OR10J1: variants seen among roughly 807,000 people sequenced by gnomAD.
OR10J1 encodes olfactory receptor 10J1.
For synonymous variants in OR10J1, 202 were observed against 143.8 expected, an observed-to-expected ratio of 1.40 and a Z score of -2.89; for missense variants, 474 against 376.6, an observed-to-expected ratio of 1.26 and a Z score of -2.14.
chr1:159,402,183 C>T, the OR10J1 span, among the ~76,000 whole-genome samples: 1 of 151,960 alleles, frequency 6.6e-6, no homozygotes, highest in South Asian at 2.1e-4. Flanking sequence ...AAAGCCTTTC[C>T]TGTAAGATCT....
At chr1:159,421,378 T>G in the OR10J1 span, among the ~76,000 whole-genome samples, 1 of 152,308 alleles carries the variant, frequency 6.6e-6, no homozygotes, top group South Asian at 2.1e-4. Context: ...TTTTAAATTC[T>G]TTTTTGGGGA....
upstream of OR10J1, among the ~76,000 whole-genome samples, chr1:159,439,352 G>A (rs1429071612): frequency 6.6e-6 from 1 of 152,188 alleles, no homozygotes; most frequent in Non-Finnish European, 1.5e-5. Context: ...GTGTTTGTAT[G>A]AGGTGAGGCA....
the OR10J1 span, among the ~76,000 whole-genome samples, chr1:159,401,349 G>A: frequency 5.9e-5 from 9 of 151,804 alleles, no homozygotes; most frequent in East Asian, 3.9e-4. Context: ...TTGACAAACC[G>A]TTAGCCAGAC....
the OR10J1 span, among the ~76,000 whole-genome samples, chr1:159,406,646 C>T: frequency 2.0e-5 from 3 of 152,192 alleles, no homozygotes; most frequent in East Asian, 1.9e-4. Context: ...AAAACAGCTA[C>T]CCTACTTGAC....
At chr1:159,432,249 G>T in the OR10J1 span, 1 of 400,870 alleles carries the variant, frequency 2.5e-6, no homozygotes, top group Non-Finnish European at 4.4e-6. Context: ...TACATTTGAG[G>T]GTTTCTCCAT....
chr1:159,410,084 G>T, the OR10J1 span, among the ~76,000 whole-genome samples: 1 of 152,096 alleles, frequency 6.6e-6, no homozygotes, highest in East Asian at 1.9e-4. Context: ...TTGATGTGTT[G>T]CTGGATTCAT....
At chr1:159,416,483 T>G in the OR10J1 span, among the ~76,000 whole-genome samples, 1 of 151,900 alleles carries the variant, frequency 6.6e-6, no homozygotes, top group African/African-American at 2.4e-5. Flanking sequence ...GGTTTTGGTT[T>G]GCTAGTATTT....
At chr1:159,434,189 C>A (rs1296192009), upstream of OR10J1, among the ~76,000 whole-genome samples, 7 of 152,124 alleles carry the variant, frequency 4.6e-5, no homozygotes, top group Non-Finnish European at 1.0e-4. Context: ...AAGGCAGAAT[C>A]AGGATTTAAA....
At chr1:159,418,200 G>A in the OR10J1 span, among the ~76,000 whole-genome samples, 4 of 152,326 alleles carry the variant, frequency 2.6e-5, no homozygotes, top group East Asian at 7.7e-4. Flanking sequence ...AGCTGGAGAA[G>A]TTTTCTTAAG....
the OR10J1 span, chr1:159,405,999 T>C: frequency 5.2e-5 from 23 of 443,894 alleles, no homozygotes; most frequent in African/African-American, 3.4e-4. Context: ...GAAGACCACA[T>C]AGCAATCATA....
chr1:159,397,898 G>C, the OR10J1 span, among the ~76,000 whole-genome samples: 1 of 152,156 alleles, frequency 6.6e-6, no homozygotes, highest in Non-Finnish European at 1.5e-5. Flanking sequence ...CCAGGGCCTT[G>C]AGTGAACATA....
At chr1:159,400,911 T>A in the OR10J1 span, among the ~76,000 whole-genome samples, 3 of 151,926 alleles carry the variant, frequency 2.0e-5, no homozygotes, top group Non-Finnish European at 2.9e-5. Context: ...TTAAATAATA[T>A]CAAGCATCTT....
chr1:159,405,937 G>C, the OR10J1 span: 23 of 499,592 alleles, frequency 4.6e-5, no homozygotes, highest in African/African-American at 4.1e-4. Flanking sequence ...CAGTGACCCA[G>C]ATCCCAGCCA....
At chr1:159,412,118 G>T in the OR10J1 span, among the ~76,000 whole-genome samples, 15,772 of 150,950 alleles carry the variant, frequency 0.1, 1,055 homozygotes, top group East Asian at 0.22. Flanking sequence ...TACTTAGGAA[G>T]CCATCTTACA....
At chr1:159,430,525 T>C in the OR10J1 span, among the ~76,000 whole-genome samples, 1 of 151,592 alleles carries the variant, frequency 6.6e-6, no homozygotes. Flanking sequence ...AAATCTAGAG[T>C]TGGAAGAGAA....
At chr1:159,439,026 G>A (rs1462228371), upstream of OR10J1, among the ~76,000 whole-genome samples, 1 of 152,164 alleles carries the variant, frequency 6.6e-6, no homozygotes, top group Non-Finnish European at 1.5e-5. Flanking sequence ...CTAGTTTAGG[G>A]AAGGTAAAGA....
chr1:159,405,439 G>T, the OR10J1 span: 1 of 167,698 alleles, frequency 6.0e-6, no homozygotes, highest in South Asian at 1.6e-4. Flanking sequence ...GATACACTGG[G>T]GGTTGAAGAG....
At chr1:159,426,440 G>A in the OR10J1 span, among the ~76,000 whole-genome samples, 1 of 151,784 alleles carries the variant, frequency 6.6e-6, no homozygotes, top group Non-Finnish European at 1.5e-5. Flanking sequence ...AACAACTAAG[G>A]AACTTATGAT....
At chr1:159,431,904 A>C in the OR10J1 span, among the ~76,000 whole-genome samples, 1 of 152,196 alleles carries the variant, frequency 6.6e-6, no homozygotes, top group African/African-American at 2.4e-5. Context: ...TTTTCAACAT[A>C]TGATGGGTTT....
Sources: allele counts gnomAD v4.1 joint callset (sites outside exome capture counted in the v4.1 genomes callset), GRCh38; gene constraint gnomAD v4.1.1; transcripts MANE v1.5; gene names NCBI Gene and HGNC (gene_info 2026-07-23, HGNC 2026-07-21).